Variants in ADGRV1 observed in about 807,000 individuals in gnomAD.
ADGRV1 encodes the protein adhesion G protein-coupled receptor V1, also known as G-protein coupled receptor 98.
ADGRV1 carries 359 observed loss-of-function variants against 596.2 expected under a neutral mutation model. The ratio of observed to expected loss-of-function variants is 0.60; its 90% CI spans 0.55 to 0.66. The LOEUF (loss-of-function observed/expected upper bound fraction) is 0.66. ADGRV1 is among the 30% of genes least tolerant of loss of function. The pLI is 0.00. For missense variants in ADGRV1, 7,274 were observed against 7,575.6 expected (o/e 0.96, Z 1.48); for synonymous variants, 2,681 against 2,679.2 (o/e 1.00, Z -0.02).
At chr5:90,920,248 G>A (rs931913706) in intron 83 of ADGRV1, among the ~76,000 whole-genome samples, 14 of 152,060 alleles carry the variant, frequency 9.2e-5, no homozygotes, top group African/African-American at 3.1e-4. Context: ...AAGGGCCAGC[G>A]AGCTCTCTTG....
intron 64 of ADGRV1, among the ~76,000 whole-genome samples, chr5:90,780,494 G>GAA (rs1464952034): frequency 2.4e-4 from 36 of 152,028 alleles, no homozygotes; most frequent in Non-Finnish European, 7.4e-5. Flanking sequence ...TTAGCATGAG[G>GAA]AATTAAAGTC....
chr5:90,726,907 G>A (rs78692341), intron 48 of ADGRV1, among the ~76,000 whole-genome samples: 5 of 152,046 alleles, frequency 3.3e-5, no homozygotes, highest in Non-Finnish European at 5.9e-5. Flanking sequence ...ATACCTAACT[G>A]CCTATTGACA....
intron 9 of ADGRV1, among the ~76,000 whole-genome samples, chr5:90,633,365 ATTTC>A (rs921527688): frequency 1.5e-3 from 214 of 146,300 alleles, no homozygotes; most frequent in African/African-American, 5.0e-3. Context: ...TGACTTATAT[ATTTC>A]TTTCTTTTTA....
intron 83 of ADGRV1, among the ~76,000 whole-genome samples, chr5:90,947,382 C>T (rs752178816): frequency 6.6e-5 from 10 of 151,814 alleles, no homozygotes; most frequent in South Asian, 2.1e-4. Flanking sequence ...CTGGATATTA[C>T]GTCTTTGTCA....
At chr5:91,053,346 A>T (rs1786523675) in intron 85 of ADGRV1, among the ~76,000 whole-genome samples, 1 of 152,146 alleles carries the variant, frequency 6.6e-6, no homozygotes, top group South Asian at 2.1e-4. Flanking sequence ...TCAAGCCTTT[A>T]TTTTAATTCT....
At chr5:90,858,759 G>A (rs1291714729) in intron 82 of ADGRV1, among the ~76,000 whole-genome samples, 2 of 152,170 alleles carry the variant, frequency 1.3e-5, no homozygotes, top group African/African-American at 4.8e-5. Context: ...GTGCCTTAAT[G>A]GTGTTGTCAG....
chr5:91,052,390 C>T (rs1786421349), intron 85 of ADGRV1, among the ~76,000 whole-genome samples: 1 of 149,254 alleles, frequency 6.7e-6, no homozygotes, highest in East Asian at 1.9e-4. Flanking sequence ...GTTAATAGCA[C>T]TGTTTTGTTG....
chr5:90,653,737 A>G lies in ADGRV1; in HGVS notation c.4163A>G (p.Gln1388Arg). The G allele has an allele frequency of 6.2e-7, 1 of 1,612,954 alleles. No individual in the cohort carries two copies. ...NGSIYYGVKI[Q>R]TNESHVTLSL... ...AGCATCTACTACGGGGTAAAAATAC[A>G]AACAAACGAATCCCATGTGACACTT... is the stretch of plus-strand genomic sequence containing the variant. The change falls in exon 20 of 90, where the codon CAA becomes CGA. Residue 1388 changes from glutamine to arginine, a missense_variant. Physicochemically the swap from Gln to Arg is conservative, Grantham distance 43. Transcript: ENST00000405460.
chr5:91,073,602 G>A (rs868676822), intron 86 of ADGRV1, among the ~76,000 whole-genome samples: 4 of 152,146 alleles, frequency 2.6e-5, no homozygotes, highest in Non-Finnish European at 5.9e-5. Flanking sequence ...AAAGACACTC[G>A]TTTGTATTAC....
At chr5:90,564,918 G>A (rs1755428346) in intron 1 of ADGRV1, among the ~76,000 whole-genome samples, 1 of 25,566 alleles carries the variant, frequency 3.9e-5, no homozygotes, top group South Asian at 1.4e-3. Flanking sequence ...GAGCCACCGC[G>A]CCCGGCCGGC....
At chr5:90,986,607 A>G (rs1261988792) in intron 85 of ADGRV1, among the ~76,000 whole-genome samples, 1 of 152,058 alleles carries the variant, frequency 6.6e-6, no homozygotes, top group Admixed American at 6.5e-5. Context: ...CTAATATACT[A>G]TGTATTTTTG....
chr5:91,020,498 G>A (rs1783545316), intron 85 of ADGRV1, among the ~76,000 whole-genome samples: 1 of 152,010 alleles, frequency 6.6e-6, no homozygotes, highest in African/African-American at 2.4e-5. Flanking sequence ...AGAACTTAGG[G>A]ACCTTAATGA....
chr5:90,610,179 C>G (rs553342357), intron 1 of ADGRV1, among the ~76,000 whole-genome samples: 1 of 151,932 alleles, frequency 6.6e-6, no homozygotes, highest in African/African-American at 2.4e-5. Flanking sequence ...AGGTACTGTC[C>G]TAGATAAACA....
chr5:90,698,884 GAGTAATC>G (rs1336331305), intron 34 of ADGRV1, among the ~76,000 whole-genome samples: 1 of 152,050 alleles, frequency 6.6e-6, no homozygotes, highest in Non-Finnish European at 1.5e-5. Flanking sequence ...CGTAATCAGT[GAGTAATC>G]AGTAATCAGT....
At chr5:91,069,928 CA>C (rs70973728) in intron 85 of ADGRV1, among the ~76,000 whole-genome samples, 3,954 of 136,840 alleles carry the variant, frequency 0.029, 204 homozygotes, top group Admixed American at 0.13. Context: ...AATGTAGCCA[CA>C]AAAAAAAAAA....
chr5:90,716,171 G>T lies in ADGRV1; in HGVS notation c.9185-296G>T, dbSNP rs75425713. On this transcript the variant is annotated intron_variant, in intron 42 of 89. Transcript: ENST00000405460. ...CATTATTATTTTGTTTCTGTTTTTA[G>T]TGGGAATGCTGCTAATGTTTCAATA... Among the ~76,000 whole-genome samples the T allele has an allele frequency of 9.8e-3, 1,498 of 152,266 alleles. 17 individuals carry two copies. Among genetic ancestry groups the T allele is most frequent in the African/African-American group, 0.034 (1,427 of 41,560 alleles).
intron 84 of ADGRV1, among the ~76,000 whole-genome samples, chr5:90,969,450 G>A (rs1778760053): frequency 1.3e-5 from 2 of 152,192 alleles, no homozygotes; most frequent in Non-Finnish European, 2.9e-5. Flanking sequence ...CAAAGCCTTA[G>A]CAAGCTGGAG....
At chr5:90,580,104 C>T (rs1204323385) in intron 1 of ADGRV1, among the ~76,000 whole-genome samples, 3 of 152,120 alleles carry the variant, frequency 2.0e-5, no homozygotes, top group East Asian at 1.9e-4. Context: ...GCATTTAACC[C>T]ATTTACATTT....
chr5:90,991,292 C>G (rs190182418), intron 85 of ADGRV1, among the ~76,000 whole-genome samples: 128 of 152,208 alleles, frequency 8.4e-4, no homozygotes, highest in African/African-American at 3.0e-3. Flanking sequence ...TGAATTCAAG[C>G]TTAAGAAAAA....
Sources: allele counts gnomAD v4.1 joint callset (sites outside exome capture counted in the v4.1 genomes callset), GRCh38; gene constraint gnomAD v4.1.1; transcripts MANE v1.5; gene names NCBI Gene and HGNC (gene_info 2026-07-23, HGNC 2026-07-21).